RIC1: variants seen among roughly 807,000 people sequenced by gnomAD.
RIC1 encodes the protein guanine nucleotide exchange factor subunit RIC1.
Under a neutral mutation model 169.0 loss-of-function variants are expected in RIC1, and 88 were observed. That is an observed-to-expected ratio of 0.52 (90% CI 0.44 to 0.62). The LOEUF is 0.62. Ranked by LOEUF, RIC1 falls within the 20% of genes least tolerant of loss-of-function variation. RIC1 has a pLI of 0.00. For missense variants in RIC1, 1,877 were observed against 1,725.5 expected, an observed-to-expected ratio of 1.09 and a Z score of -1.56; for synonymous variants, 790 against 601.5, an observed-to-expected ratio of 1.31 and a Z score of -4.59.
rs547786153 is a variant in RIC1 at position 5,709,411 on chromosome 9, T to C, written c.333-4485T>C. On this transcript the variant is annotated intron_variant, in intron 3 of 25. Coordinates refer to ENST00000414202, the MANE Select transcript of RIC1 (RefSeq NM_020829.4). Reference sequence around the variant, plus strand: ...AGAGCCTTAAATATTAGAGTTTGATTATCAGCTCCCTTACTTTCTTAGCTT... The same window carrying C: ...AGAGCCTTAAATATTAGAGTTTGATCATCAGCTCCCTTACTTTCTTAGCTT... Among the ~76,000 whole-genome samples the C allele has an allele frequency of 2.0e-5, 3 of 152,294 alleles. No homozygotes were observed. The East Asian group carries it at 5.8e-4, about 29-fold the overall frequency.
chr9:5,750,982 A>G (rs770392697), intron 12 of RIC1, among the ~76,000 whole-genome samples: 4 of 151,904 alleles, frequency 2.6e-5, no homozygotes, highest in Admixed American at 6.5e-5. Flanking sequence ...GTGGCACTTC[A>G]TAGATTTTTG....
At chr9:5,771,100 G>A (rs1003109718) in intron 23 of RIC1, among the ~76,000 whole-genome samples, 6 of 152,128 alleles carry the variant, frequency 3.9e-5, no homozygotes, top group Non-Finnish European at 2.9e-5. Context: ...CAGCTTAACC[G>A]TTTTTAAGCA....
intron 12 of RIC1, 79 bp downstream of exon 12, chr9:5,747,584 C>G (rs1263560433): frequency 7.8e-7 from 1 of 1,287,238 alleles, no homozygotes; most frequent in African/African-American, 1.5e-5. Flanking sequence ...AATATTTCAT[C>G]TGTTAACTTC....
chr9:5,726,599 A>G (rs1416343182), intron 6 of RIC1, among the ~76,000 whole-genome samples: 1 of 152,164 alleles, frequency 6.6e-6, no homozygotes, highest in African/African-American at 2.4e-5. Context: ...TGTCATTATG[A>G]TGTTAGCTGG....
At position 5,774,349 on chromosome 9, in the gene RIC1, G is replaced by T; in HGVS notation, c.*103G>T. Reference sequence around the variant, plus strand: ...ATTTAACAGGAGAACTCAGTTCAGAGACTCTTCGGTAAGTATTAGTAGATT... The same window carrying T: ...ATTTAACAGGAGAACTCAGTTCAGATACTCTTCGGTAAGTATTAGTAGATT... On this transcript the variant is annotated 3_prime_UTR_variant, in exon 26 of 26. Transcript: ENST00000414202. 1.0e-6 allele frequency: 1 copy of T among 966,980 alleles called. No individual in the cohort carries two copies. The highest frequency in any genetic ancestry group is 1.5e-6 in the Non-Finnish European group (1 of 661,018). 59.9% of individuals were successfully genotyped at this position (966,980 alleles called of 1,614,324 possible).
Position 5,774,530 on chromosome 9 carries a change from TA to T in RIC1, c.*287del, listed in dbSNP as rs1410712053. Reference sequence around the variant, plus strand: ...GTTTTACTCAAAGGTTGGTAGCTCTTAAACCACAGGAATTGTTTTGCCCCAG... The same window carrying T: ...GTTTTACTCAAAGGTTGGTAGCTCTTAACCACAGGAATTGTTTTGCCCCAG... On this transcript the variant is annotated 3_prime_UTR_variant, in exon 26 of 26. Coordinates refer to ENST00000414202, the MANE Select transcript of RIC1 (RefSeq NM_020829.4). 10 of 242,706 alleles carry T rather than the reference TA, an allele frequency of 4.1e-5. No homozygotes were observed. Among genetic ancestry groups the T allele is most frequent in the Non-Finnish European group, 7.1e-5 (9 of 127,118 alleles). 15.0% of individuals were successfully genotyped at this position (242,706 alleles called of 1,614,324 possible).
At chr9:5,741,649 T>G (rs1825087815) in intron 8 of RIC1, among the ~76,000 whole-genome samples, 1 of 152,196 alleles carries the variant, frequency 6.6e-6, no homozygotes, top group South Asian at 2.1e-4. Context: ...ATTTAGCTCT[T>G]TTTCCAATCT....
chr9:5,735,408 G>C (rs1436893928), intron 7 of RIC1, among the ~76,000 whole-genome samples: 1 of 152,218 alleles, frequency 6.6e-6, no homozygotes. Context: ...GTGGGTGTTA[G>C]AATCCAGAAG....
downstream of RIC1, among the ~76,000 whole-genome samples, chr9:5,777,736 C>T (rs1290873749): frequency 6.6e-6 from 1 of 152,058 alleles, no homozygotes; most frequent in Non-Finnish European, 1.5e-5. Context: ...GTCAGAGCAC[C>T]ATTTATGGAA....
At chr9:5,694,438 A>C (rs1821771093) in intron 3 of RIC1, among the ~76,000 whole-genome samples, 1 of 152,072 alleles carries the variant, frequency 6.6e-6, no homozygotes, top group Non-Finnish European at 1.5e-5. Flanking sequence ...AGTGATCTTG[A>C]TGTTTTTTGT....
chr9:5,647,123 T>G (rs1002062096), intron 1 of RIC1, among the ~76,000 whole-genome samples: 3 of 152,192 alleles, frequency 2.0e-5, no homozygotes, highest in African/African-American at 4.8e-5. Context: ...ATTTGACTAT[T>G]TATGCAAGAG....
chr9:5,633,828 A>T (rs867293509), intron 1 of RIC1, among the ~76,000 whole-genome samples: 1 of 152,170 alleles, frequency 6.6e-6, no homozygotes, highest in Non-Finnish European at 1.5e-5. Context: ...TTACTGGGCC[A>T]TGCATTAGGT....
intron 17 of RIC1, among the ~76,000 whole-genome samples, 163 bp from the exon 18 acceptor site, chr9:5,762,378 A>G (rs1007764232): frequency 6.6e-6 from 1 of 152,226 alleles, no homozygotes; most frequent in African/African-American, 2.4e-5. Flanking sequence ...CCTAGCCAGA[A>G]AGCTCCTTAT....
intron 1 of RIC1, among the ~76,000 whole-genome samples, chr9:5,648,131 C>T (rs4742110): frequency 0.29 from 44,685 of 151,620 alleles, 7,751 homozygotes; most frequent in East Asian, 0.58. Flanking sequence ...TACAGGCGCC[C>T]GCCACCATAC....
intron 3 of RIC1, among the ~76,000 whole-genome samples, chr9:5,704,222 T>G (rs564535563): frequency 6.6e-6 from 1 of 152,038 alleles, no homozygotes; most frequent in Non-Finnish European, 1.5e-5. Context: ...TGTCTTTTTT[T>G]TTTTTATTTT....
intron 1 of RIC1, among the ~76,000 whole-genome samples, chr9:5,635,620 T>C (rs1447225581): frequency 2.0e-5 from 3 of 152,228 alleles, no homozygotes; most frequent in African/African-American, 7.2e-5. Flanking sequence ...TGATATGGTT[T>C]GGCTCTATTT....
intron 21 of RIC1, among the ~76,000 whole-genome samples, chr9:5,766,773 C>T (rs867825134): frequency 1.1e-4 from 16 of 152,276 alleles, no homozygotes; most frequent in Admixed American, 3.3e-4. Flanking sequence ...GTTGGTTCCA[C>T]GATTTTGCAG....
chr9:5,689,513 C>G (rs976704881), intron 2 of RIC1, among the ~76,000 whole-genome samples: 19 of 152,086 alleles, frequency 1.2e-4, no homozygotes, highest in Non-Finnish European at 2.9e-5. Context: ...TATAAATATG[C>G]TGTTCTGAAG....
chr9:5,695,370 G>A (rs758306073), intron 3 of RIC1, among the ~76,000 whole-genome samples: 7 of 152,010 alleles, frequency 4.6e-5, no homozygotes, highest in Non-Finnish European at 8.8e-5. Context: ...AGTCAAGAGC[G>A]CACCCGCTTT....
Sources: gnomAD v4.1 joint callset for allele counts (sites outside exome capture counted in the v4.1 genomes callset) on GRCh38, gnomAD v4.1.1 for gene constraint, MANE v1.5 for transcripts, NCBI Gene and HGNC (gene_info 2026-07-23, HGNC 2026-07-21) for gene names.